The following FARS2 variants were observed in gnomAD, a reference collection of about 807,000 sequenced individuals.
FARS2 encodes the protein phenylalanyl-tRNA synthetase 2, mitochondrial, also known as phenylalanine--tRNA ligase, mitochondrial.
A neutral mutation model predicts 46.4 loss-of-function variants in FARS2; 40 were observed. That is an observed-to-expected ratio of 0.86 (90% CI 0.67 to 1.12). FARS2 has a LOEUF of 1.12. FARS2 is among the 50% of genes most tolerant of loss of function. The pLI is 0.00. For synonymous variants in FARS2, 234 were observed against 214.9 expected (o/e 1.09, Z -0.78); for missense variants, 513 against 567.9 (o/e 0.90, Z 0.98).
At chr6:5,721,034 C>G (rs112835773) in intron 6 of FARS2, among the ~76,000 whole-genome samples, 1 of 152,176 alleles carries the variant, frequency 6.6e-6, no homozygotes, top group Non-Finnish European at 1.5e-5. Context: ...GCCTGGGTGA[C>G]ATAGTGAAAC....
chr6:5,545,332 A>C lies in FARS2; in HGVS notation c.1057A>C (p.Lys353Gln), dbSNP rs762302341. Residue 353 changes from lysine to glutamine, a missense_variant, in exon 5 of 7, where the codon AAG becomes CAG. By Grantham distance (53) the Lys-to-Gln change is moderately conservative. Coordinates refer to ENST00000274680, the MANE Select transcript of FARS2 (RefSeq NM_006567.5). ...FCVSNINQKV[K>Q]FQPLSKYPAV... ...TGTATCCAACATTAATCAGAAGGTGAAGTTTCAGGTAAGATGACTTGCAAG... is the reference window on the plus strand; with the variant it reads ...TGTATCCAACATTAATCAGAAGGTGCAGTTTCAGGTAAGATGACTTGCAAG... 219 of 1,613,304 alleles carry C rather than the reference A, an allele frequency of 1.4e-4. 3 individuals are homozygous for C. In the South Asian group the frequency reaches 2.3e-3, roughly 17 times the overall value.
At chr6:5,576,796 A>G (rs1773011792) in intron 5 of FARS2, among the ~76,000 whole-genome samples, 1 of 151,928 alleles carries the variant, frequency 6.6e-6, no homozygotes, top group Admixed American at 6.6e-5. Flanking sequence ...ACCTAAATAA[A>G]TAGAATTTTA....
At chr6:5,706,635 C>T (rs1037405817) in intron 6 of FARS2, among the ~76,000 whole-genome samples, 15 of 152,140 alleles carry the variant, frequency 9.9e-5, no homozygotes, top group South Asian at 2.1e-4. Flanking sequence ...CCATATTTAG[C>T]TTTTGAAGGA....
chr6:5,492,109 G>A (rs1344412833), intron 4 of FARS2, among the ~76,000 whole-genome samples: 1 of 152,124 alleles, frequency 6.6e-6, no homozygotes, highest in Non-Finnish European at 1.5e-5. Context: ...AGATTTTAAA[G>A]CTGTGAAAAT....
At chr6:5,536,726 A>G (rs982070491) in intron 4 of FARS2, among the ~76,000 whole-genome samples, 1 of 152,200 alleles carries the variant, frequency 6.6e-6, no homozygotes, top group Non-Finnish European at 1.5e-5. Context: ...CCAAAAGGTT[A>G]AATAGGTCAC....
chr6:5,642,876 T>C (rs1047656900), intron 6 of FARS2, among the ~76,000 whole-genome samples: 1 of 152,188 alleles, frequency 6.6e-6, no homozygotes, highest in African/African-American at 2.4e-5. Context: ...CACAGACCAT[T>C]TGATGTCTTC....
chr6:5,467,003 C>T (rs1765552109), intron 4 of FARS2: 2 of 985,130 alleles, frequency 2.0e-6, no homozygotes, highest in Non-Finnish European at 2.4e-6. Context: ...CAGATGTCCT[C>T]CTGAGACATT....
intron 6 of FARS2, 86 bp from the exon 7 acceptor site, chr6:5,771,205 G>T: frequency 2.0e-6 from 3 of 1,501,252 alleles, no homozygotes; most frequent in Non-Finnish European, 1.8e-6. Flanking sequence ...TGCAGTTGGG[G>T]AGATCTGGCC....
At chr6:5,554,076 A>C (rs1280555360) in intron 5 of FARS2, among the ~76,000 whole-genome samples, 2 of 152,122 alleles carry the variant, frequency 1.3e-5, no homozygotes, top group Non-Finnish European at 2.9e-5. Context: ...TTTTTGCCCT[A>C]AATTTTTTTT....
intron 5 of FARS2, among the ~76,000 whole-genome samples, chr6:5,581,443 C>T (rs1453252289): frequency 1.3e-5 from 2 of 152,194 alleles, no homozygotes. Flanking sequence ...CCGGCTAGTG[C>T]TGCTGCTGAA....
chr6:5,547,906 A>G lies in FARS2; in HGVS notation c.1065+2566A>G, dbSNP rs190076270. Among the ~76,000 whole-genome samples, 165 of 152,338 alleles carry G rather than the reference A, an allele frequency of 1.1e-3. 1 individual carries two copies. Among genetic ancestry groups the G allele is most frequent in the African/African-American group, 3.8e-3 (156 of 41,554 alleles). The stretch of plus-strand genomic sequence containing the variant: ...GAGTTATACTTATTTATATTTGTGT[A>G]CAGACCTTTTCAACTGTATTAGTCC... On this transcript the variant is annotated intron_variant, in intron 5 of 6. Coordinates refer to ENST00000274680, the MANE Select transcript of FARS2 (RefSeq NM_006567.5).
chr6:5,574,889 A>G (rs183341471), intron 5 of FARS2, among the ~76,000 whole-genome samples: 5 of 152,296 alleles, frequency 3.3e-5, no homozygotes, highest in Admixed American at 1.3e-4. Flanking sequence ...TGGAACCTGC[A>G]TATACAAAAT....
chr6:5,611,374 G>A (rs1775174832), intron 5 of FARS2, among the ~76,000 whole-genome samples: 1 of 152,144 alleles, frequency 6.6e-6, no homozygotes, highest in Non-Finnish European at 1.5e-5. Flanking sequence ...TTTAGGAATT[G>A]GAGGCTTTCT....
chr6:5,303,502 T>A (rs1279677518), intron 1 of FARS2, among the ~76,000 whole-genome samples: 1 of 152,086 alleles, frequency 6.6e-6, no homozygotes, highest in Non-Finnish European at 1.5e-5. Context: ...TGTGTCTTCA[T>A]CCTTGTGTCA....
intron 6 of FARS2, among the ~76,000 whole-genome samples, chr6:5,686,345 C>A (rs867176680): frequency 2.0e-5 from 3 of 150,944 alleles, no homozygotes; most frequent in South Asian, 2.1e-4. Context: ...AATGCTCTCC[C>A]CCCCCGCTGC....
chr6:5,391,094 G>A (rs1282745324), intron 2 of FARS2, among the ~76,000 whole-genome samples: 1 of 152,200 alleles, frequency 6.6e-6, no homozygotes, highest in Non-Finnish European at 1.5e-5. Flanking sequence ...TTGCAGCTCA[G>A]CTCTGTTCAT....
chr6:5,402,627 C>CT (rs1761326859), intron 2 of FARS2, among the ~76,000 whole-genome samples: 1 of 152,082 alleles, frequency 6.6e-6, no homozygotes, highest in African/African-American at 2.4e-5. Flanking sequence ...TGTAAATCCT[C>CT]TAATTTTTTA....
chr6:5,492,908 A>G (rs903981047), intron 4 of FARS2, among the ~76,000 whole-genome samples: 2 of 152,226 alleles, frequency 1.3e-5, no homozygotes, highest in Admixed American at 1.3e-4. Flanking sequence ...AGGGTTTCCA[A>G]TGTTATAAGC....
chr6:5,279,613 A>G, intron 1 of FARS2, among the ~76,000 whole-genome samples: 1 of 150,484 alleles, frequency 6.6e-6, no homozygotes, highest in Non-Finnish European at 1.5e-5. Context: ...AATAAGGAAG[A>G]CGAGATCTGT....
Sources: allele counts gnomAD v4.1 joint callset (sites outside exome capture counted in the v4.1 genomes callset), GRCh38; gene constraint gnomAD v4.1.1; transcripts MANE v1.5; gene names NCBI Gene and HGNC (gene_info 2026-07-23, HGNC 2026-07-21).